STAB2: variants seen among roughly 807,000 people sequenced by gnomAD.
The protein encoded by STAB2 is stabilin 2, also known as stabilin-2.
STAB2 carries 288 observed loss-of-function variants against 338.1 expected under a neutral mutation model. The ratio of observed to expected loss-of-function variants is 0.85; its 90% confidence interval spans 0.77 to 0.94. The LOEUF is 0.94. Ranked by LOEUF, STAB2 falls within the 40% of genes least tolerant of loss-of-function variation. The pLI, the probability that STAB2 is intolerant of heterozygous loss-of-function variation, is 0.00. For synonymous variants in STAB2, 1,202 were observed against 1,193.3 expected, an observed-to-expected ratio of 1.01 and a Z score of -0.15; for missense variants, 3,141 against 3,210.1, an observed-to-expected ratio of 0.98 and a Z score of 0.52.
At chr12:103,617,495 T>A (rs941815963) in intron 3 of STAB2, among the ~76,000 whole-genome samples, 10 of 152,182 alleles carry the variant, frequency 6.6e-5, no homozygotes, top group Non-Finnish European at 1.5e-4. Flanking sequence ...CACATACACC[T>A]GAACTGAATC....
chr12:103,682,933 G>A (rs767380271), intron 25 of STAB2, among the ~76,000 whole-genome samples: 4 of 147,176 alleles, frequency 2.7e-5, no homozygotes, highest in Non-Finnish European at 6.0e-5. Context: ...GGGCGACAGA[G>A]TGAGACTCCA....
At chr12:103,751,833 A>G (rs896834633) in intron 60 of STAB2, among the ~76,000 whole-genome samples, 1 of 152,202 alleles carries the variant, frequency 6.6e-6, no homozygotes, top group Admixed American at 6.5e-5. Flanking sequence ...ATGCCAAGAA[A>G]ATGTTGGCAG....
chr12:103,690,589 A>C (rs1224735834), intron 30 of STAB2, 51 bp downstream of exon 30: 2 of 1,496,604 alleles, frequency 1.3e-6, no homozygotes, highest in African/African-American at 1.4e-5. Context: ...AGCTTTGTTT[A>C]TATTGTACTT....
chr12:103,744,461 CTTTTT>C (rs3035275), intron 56 of STAB2, among the ~76,000 whole-genome samples: 40 of 122,426 alleles, frequency 3.3e-4, no homozygotes, highest in African/African-American at 6.6e-4. Context: ...CACAATTTTA[CTTTTT>C]TTTTTTTTTT....
chr12:103,728,875 A>G lies in STAB2; in HGVS notation c.4962A>G (p.Leu1654=). Reference sequence around the variant, plus strand: ...TTAAAGACTGGGACAAATACGGTTTAATGCCCCAGGTTCTTCGGTACCATG... The same window carrying G: ...TTAAAGACTGGGACAAATACGGTTTGATGCCCCAGGTTCTTCGGTACCATG... ...ARVKDWDKYG[L]MPQVLRYHVV... Residue 1654 remains leucine (L), a synonymous_variant, in exon 48 of 69, where the codon TTA becomes TTG. Transcript: ENST00000388887. 1 of 1,613,986 alleles carries G rather than the reference A, an allele frequency of 6.2e-7. No individual in the cohort carries two copies. The highest frequency in any genetic ancestry group is 8.5e-7 in the Non-Finnish European group (1 of 1,179,876).
intron 54 of STAB2, 58 bp from the exon 55 acceptor site, chr12:103,740,572 C>T (rs1882497432): frequency 1.3e-6 from 2 of 1,576,766 alleles, no homozygotes; most frequent in Non-Finnish European, 8.6e-7. Context: ...AGACTAGAGC[C>T]CCAGAGCCCT....
At chr12:103,747,267 T>C (rs1017800973) in intron 58 of STAB2, among the ~76,000 whole-genome samples, 1 of 152,220 alleles carries the variant, frequency 6.6e-6, no homozygotes, top group African/African-American at 2.4e-5. Context: ...TATCCCTCTA[T>C]AGTAGTTAGG....
At chr12:103,711,987 A>G (rs142594259) in intron 40 of STAB2, among the ~76,000 whole-genome samples, 478 of 152,312 alleles carry the variant, frequency 3.1e-3, no homozygotes, top group African/African-American at 0.011. Flanking sequence ...ATCCCTCCAA[A>G]GCCTCAGATT....
chr12:103,590,512 G>T (rs1956779570), intron 1 of STAB2, among the ~76,000 whole-genome samples: 1 of 152,188 alleles, frequency 6.6e-6, no homozygotes, highest in African/African-American at 2.4e-5. Context: ...ATGACCAATT[G>T]ACCTTGAATA....
chr12:103,588,402 G>T (rs1389886877), intron 1 of STAB2, among the ~76,000 whole-genome samples: 1 of 152,152 alleles, frequency 6.6e-6, no homozygotes, highest in Non-Finnish European at 1.5e-5. Context: ...GTCCACAGCT[G>T]TTTGACCCTG....
chr12:103,690,018 A>G (rs113462030), intron 29 of STAB2, 36 bp downstream of exon 29: 1 of 1,602,644 alleles, frequency 6.2e-7, no homozygotes, highest in South Asian at 1.1e-5. Flanking sequence ...ATCGTATCTG[A>G]ATGGCATCTG....
chr12:103,613,744 T>G (rs995121787), intron 3 of STAB2, among the ~76,000 whole-genome samples: 6 of 152,138 alleles, frequency 3.9e-5, no homozygotes, highest in Admixed American at 6.5e-5. Flanking sequence ...GTACCTCAGT[T>G]GGAAATGCAG....
chr12:103,755,798 G>A, intron 63 of STAB2, 80 bp downstream of exon 63: 2 of 1,339,936 alleles, frequency 1.5e-6, no homozygotes, highest in Non-Finnish European at 2.1e-6. Flanking sequence ...GAGGCCTTAA[G>A]CTGAAGGCCA....
chr12:103,670,180 C>T (rs2138812350), intron 21 of STAB2, among the ~76,000 whole-genome samples: 1 of 152,174 alleles, frequency 6.6e-6, no homozygotes, highest in Non-Finnish European at 1.5e-5. Context: ...GTGGGGACAC[C>T]ATGTGGACAA....
intron 10 of STAB2, among the ~76,000 whole-genome samples, chr12:103,650,142 G>A (rs1446096059): frequency 6.6e-6 from 1 of 152,108 alleles, no homozygotes; most frequent in East Asian, 1.9e-4. Flanking sequence ...AACAAGGGCT[G>A]CCTCTTTGCT....
chr12:103,587,440 C>T lies in STAB2; in HGVS notation c.-37C>T. ...AGTTAAAATAGCTAAGTCAGCCTGA[C>T]AGGTGCTTGGCACAGAGAAGGAGCA... On this transcript the variant is annotated 5_prime_UTR_variant, in exon 1 of 69. Transcript: ENST00000388887. 1 of 1,554,856 alleles carries T rather than the reference C, an allele frequency of 6.4e-7. No homozygotes were observed. The highest frequency in any genetic ancestry group is 2.3e-5 in the East Asian group (1 of 44,242).
At chr12:103,682,459 C>T (rs966544920) in intron 25 of STAB2, among the ~76,000 whole-genome samples, 4 of 152,198 alleles carry the variant, frequency 2.6e-5, no homozygotes, top group African/African-American at 7.2e-5. Flanking sequence ...AAAGACAAAC[C>T]GTGCTGGAGC....
Position 103,674,006 on chromosome 12 carries a change from A to C in STAB2, c.2471A>C (p.Asp824Ala), listed in dbSNP as rs766674131. Residue 824 changes from aspartate (D) to alanine (A), a missense_variant, in exon 23 of 69, where the codon GAT becomes GCT. Coordinates refer to ENST00000388887, the MANE Select transcript of STAB2 (RefSeq NM_017564.10). ...GACGGCTCTGCCGGGAGACTCTGTG[A>C]TAAGCAGACCTCAGCCTGTGGGCCC... The part of the protein sequence containing the change: ...CRDGSAGRLC[D>A]KQTSACGPYV... The C allele has an allele frequency of 6.2e-7, 1 of 1,614,108 alleles. No individual in the cohort carries two copies. The highest frequency in any genetic ancestry group is 8.5e-7 in the Non-Finnish European group (1 of 1,180,018).
intron 2 of STAB2, among the ~76,000 whole-genome samples, chr12:103,592,522 T>C (rs1419381835): frequency 6.6e-6 from 1 of 152,214 alleles, no homozygotes; most frequent in African/African-American, 2.4e-5. Context: ...TTGTTTTATG[T>C]TCTTTCGTTC....
Sources: gnomAD v4.1 joint callset for allele counts (sites outside exome capture counted in the v4.1 genomes callset) on GRCh38, gnomAD v4.1.1 for gene constraint, MANE v1.5 for transcripts, NCBI Gene and HGNC (gene_info 2026-07-23, HGNC 2026-07-21) for gene names.